Variants in AGPAT3 observed in about 807,000 individuals in gnomAD.
AGPAT3 encodes 1-acylglycerol-3-phosphate O-acyltransferase 3, also known as 1-acyl-sn-glycerol-3-phosphate acyltransferase gamma.
In AGPAT3, 5 loss-of-function variants were observed where a neutral mutation model predicts 47.3. The observed-to-expected ratio is 0.11, with a 90% CI of 0.06 to 0.22. The LOEUF (loss-of-function observed/expected upper bound fraction) is 0.22, where lower values mean the gene tolerates loss of function less well. Among genes scored for constraint, AGPAT3 ranks in the 10% least tolerant of loss-of-function variants. AGPAT3 has a pLI of 1.00. For missense variants in AGPAT3, 315 were observed against 493.0 expected (o/e 0.64, Z 3.42); for synonymous variants, 212 against 208.3 (o/e 1.02, Z -0.15).
In AGPAT3 at chr21:43,955,677, G is replaced by A. The variant is rs1211177761; in HGVS notation, c.-48-3957G>A. Among the ~76,000 whole-genome samples, 1 of 151,960 alleles carries A rather than the reference G, an allele frequency of 6.6e-6. No homozygotes were observed. The highest frequency in any genetic ancestry group is 1.5e-5 in the Non-Finnish European group (1 of 67,984). ...TCCCAGCGCTTTGGGAGGTCGAGTT[G>A]GGCGGATTACCTGAGGTCAGGAGAT... On this transcript the variant is annotated intron_variant, in intron 2 of 9. Transcript: ENST00000291572. This position sits in a 1 kb window ranked among gnomAD's most constrained non-coding sequence, Gnocchi z 4.1.
At position 43,982,195 on chromosome 21, in the gene AGPAT3, G is replaced by A. The variant is rs900596893; in HGVS notation, c.1043-109G>A. 9 of 787,312 alleles carry A rather than the reference G, an allele frequency of 1.1e-5. No individual in the cohort carries two copies. Among genetic ancestry groups the A allele is most frequent in the Non-Finnish European group, 1.9e-5 (9 of 472,894 alleles). 48.8% of individuals were successfully genotyped at this position (787,312 alleles called of 1,614,324 possible). ...GACAGCAGAGGCCACTGGGTGCGGG[G>A]CAGAGGGACAGGGTCTGGGGCAGAG... On this transcript the variant is annotated intron_variant, in intron 9 of 9. Transcript: ENST00000291572. The surrounding 1 kb of genome is among the most constrained non-coding windows in gnomAD (Gnocchi z 6.2).
At chr21:43,870,808 A>G (rs1034054333) in intron 1 of AGPAT3, among the ~76,000 whole-genome samples, 1 of 152,228 alleles carries the variant, frequency 6.6e-6, no homozygotes, top group Non-Finnish European at 1.5e-5. Context: ...GGAAAATCGT[A>G]AACACAGATT....
Position 43,918,218 on chromosome 21 carries a change from G to A in AGPAT3, c.-49+14199G>A, listed in dbSNP as rs368029439. ...GGGTTGTGGAGGTTGTGGGTGTTGC[G>A]GCGGTTGTGGGTGTTGTGGGTGTTG... is the stretch of plus-strand genomic sequence containing the variant. On this transcript the variant is annotated intron_variant, in intron 2 of 9. Transcript: ENST00000291572. Among the ~76,000 whole-genome samples, 5 of 151,022 alleles carry A rather than the reference G, an allele frequency of 3.3e-5. No individual in the cohort carries two copies. In the East Asian group the frequency reaches 7.8e-4, roughly 24 times the overall value.
intron 1 of AGPAT3, among the ~76,000 whole-genome samples, chr21:43,879,050 T>C (rs2085796260): frequency 6.6e-6 from 1 of 152,028 alleles, no homozygotes; most frequent in African/African-American, 2.4e-5. Flanking sequence ...TGTCTTCTAG[T>C]TTTGAAATTC....
chr21:43,902,764 C>T lies in AGPAT3; in HGVS notation c.-111-1193C>T, dbSNP rs986349753. On this transcript the variant is annotated intron_variant, in intron 1 of 9. Coordinates refer to ENST00000291572, the MANE Select transcript of AGPAT3 (RefSeq NM_020132.5). Reference sequence around the variant, plus strand: ...CTCTAGTTCCAGCACTTTGGGAGGGCGAGGCAGGCGGATCACTTGAGCTCA... The same window carrying T: ...CTCTAGTTCCAGCACTTTGGGAGGGTGAGGCAGGCGGATCACTTGAGCTCA... 7.2e-5 allele frequency among the ~76,000 whole-genome samples: 11 copies of T among 152,270 alleles called. No individual in the cohort carries two copies. The South Asian group carries it at 8.3e-4, about 12-fold the overall frequency.
rs181907426 is a variant in AGPAT3, at chr21:43,919,217, G to A, written c.-49+15198G>A. On this transcript the variant is annotated intron_variant, in intron 2 of 9. Transcript: ENST00000291572. ...GGGTACAGGTGGATTTTGGTTATGCGGACAGGTTCTTTAGTGGCGAATTCT... is the reference window on the plus strand; with the variant it reads ...GGGTACAGGTGGATTTTGGTTATGCAGACAGGTTCTTTAGTGGCGAATTCT... 9.2e-5 allele frequency among the ~76,000 whole-genome samples: 14 copies of A among 151,912 alleles called. No individual in the cohort carries two copies. In the East Asian group the frequency reaches 2.5e-3, roughly 27 times the overall value.
At chr21:43,980,836 C>T (rs1236314948) in intron 8 of AGPAT3, among the ~76,000 whole-genome samples, 153 bp from the exon 9 acceptor site, 3 of 152,228 alleles carry the variant, frequency 2.0e-5, no homozygotes, top group Non-Finnish European at 4.4e-5. Flanking sequence ...GCCAGCTTCG[C>T]CTGCACCTGC....
At chr21:43,937,770 C>A (rs2087497353) in intron 2 of AGPAT3, among the ~76,000 whole-genome samples, 4 of 152,158 alleles carry the variant, frequency 2.6e-5, no homozygotes. Flanking sequence ...GGGCTGAAAC[C>A]TTTCTGGAAG....
At chr21:43,937,259 A>C (rs568002010) in intron 2 of AGPAT3, among the ~76,000 whole-genome samples, 1 of 152,322 alleles carries the variant, frequency 6.6e-6, no homozygotes, top group South Asian at 2.1e-4. Flanking sequence ...GTTGGTCCCT[A>C]GATATGTGTG....
intron 2 of AGPAT3, among the ~76,000 whole-genome samples, chr21:43,950,152 T>C (rs1222829808): frequency 9.2e-5 from 14 of 152,240 alleles, no homozygotes; most frequent in Non-Finnish European, 1.5e-5. Flanking sequence ...AACTCTGTGA[T>C]TGTCTTGGTC....
At chr21:43,963,348 G>T (rs1028325642) in intron 3 of AGPAT3, among the ~76,000 whole-genome samples, 1 of 152,156 alleles carries the variant, frequency 6.6e-6, no homozygotes, top group Admixed American at 6.6e-5. Flanking sequence ...GGAAGCACAT[G>T]TAGACCAAGC....
At chr21:43,867,735 G>A (rs1408871086) in intron 1 of AGPAT3, 1 of 152,216 alleles carries the variant, frequency 6.6e-6, no homozygotes, top group African/African-American at 2.4e-5. Flanking sequence ...GGCTACATTT[G>A]ACTGTTTCCT....
At chr21:43,929,861 C>T (rs577026569) in intron 2 of AGPAT3, among the ~76,000 whole-genome samples, 6 of 152,312 alleles carry the variant, frequency 3.9e-5, no homozygotes, top group African/African-American at 2.4e-5. Context: ...GGCTGAGTGC[C>T]GAGCTAAATC....
intron 1 of AGPAT3, among the ~76,000 whole-genome samples, chr21:43,882,816 G>A (rs2085882623): frequency 6.6e-6 from 1 of 152,182 alleles, no homozygotes; most frequent in African/African-American, 2.4e-5. Context: ...GCCCCTGGGT[G>A]GGGCTTAAGG....
chr21:43,878,977 G>A (rs1355213824), intron 1 of AGPAT3, among the ~76,000 whole-genome samples: 1 of 152,106 alleles, frequency 6.6e-6, no homozygotes, highest in Non-Finnish European at 1.5e-5. Flanking sequence ...CTTGCCTCAA[G>A]CAACCTGCCC....
chr21:43,977,931 C>A, intron 7 of AGPAT3, 115 bp from the exon 8 acceptor site: 2 of 665,080 alleles, frequency 3.0e-6, no homozygotes, highest in Non-Finnish European at 2.6e-6. Context: ...TGAGATGTGA[C>A]AGAAGGAGTG....
chr21:43,894,304 C>T (rs1012941249), intron 1 of AGPAT3, among the ~76,000 whole-genome samples: 1 of 149,250 alleles, frequency 6.7e-6, no homozygotes, highest in Non-Finnish European at 1.5e-5. Flanking sequence ...CTGGTGAAAT[C>T]GTTCTGAACT....
At chr21:43,906,127 G>A (rs2086487732) in intron 2 of AGPAT3, among the ~76,000 whole-genome samples, 1 of 152,226 alleles carries the variant, frequency 6.6e-6, no homozygotes, top group Non-Finnish European at 1.5e-5. Context: ...AGAACAGAAA[G>A]AAGGGCAGGT....
intron 1 of AGPAT3, among the ~76,000 whole-genome samples, chr21:43,879,062 A>G (rs539392979): frequency 2.0e-5 from 3 of 152,220 alleles, no homozygotes; most frequent in South Asian, 4.1e-4. Context: ...TTGAAATTCA[A>G]CATGCCACTG....
Sources: allele counts gnomAD v4.1 joint callset (sites outside exome capture counted in the v4.1 genomes callset), GRCh38; gene constraint gnomAD v4.1.1; non-coding constraint Gnocchi (gnomAD v3.1); transcripts MANE v1.5; gene names NCBI Gene and HGNC (gene_info 2026-07-23, HGNC 2026-07-21).